Variants in RAB38 observed in about 807,000 individuals in gnomAD.
RAB38 encodes the protein ras-related protein Rab-38.
A neutral mutation model predicts 18.4 loss-of-function variants in RAB38; 15 were observed. The observed-to-expected ratio is 0.82, with a 90% CI of 0.55 to 1.26. The LOEUF is 1.26. RAB38 is among the 50% of genes most tolerant of loss of function. RAB38 has a pLI of 0.00. For synonymous variants in RAB38, 101 were observed against 104.4 expected (o/e 0.97, Z 0.20); for missense variants, 294 against 267.4 (o/e 1.10, Z -0.69).
At chr11:87,977,410 A>G in the RAB38 span, among the ~76,000 whole-genome samples, 4 of 65,748 alleles carry the variant, frequency 6.1e-5, no homozygotes, top group South Asian at 4.5e-4. Flanking sequence ...ATTATATTAT[A>G]AAATATAATT....
the RAB38 span, among the ~76,000 whole-genome samples, chr11:87,870,328 A>T: frequency 6.6e-6 from 1 of 151,634 alleles, no homozygotes; most frequent in African/African-American, 2.4e-5. Context: ...ATCCACTGTG[A>T]CTCATCGTGA....
chr11:88,066,080 C>T, the RAB38 span, among the ~76,000 whole-genome samples: 108 of 152,206 alleles, frequency 7.1e-4, no homozygotes, highest in Middle Eastern at 3.4e-3. Context: ...TCTTTGCTGA[C>T]GTATTTGACT....
the RAB38 span, among the ~76,000 whole-genome samples, chr11:87,976,296 A>C: frequency 6.9e-6 from 1 of 144,158 alleles, no homozygotes. Flanking sequence ...ATATACATAC[A>C]CACATATATA....
the RAB38 span, among the ~76,000 whole-genome samples, chr11:87,912,765 TC>T: frequency 0.049 from 6,621 of 136,198 alleles, 575 homozygotes; most frequent in African/African-American, 0.14. Flanking sequence ...TTTCTTTCTT[TC>T]TTTTTTTTTT....
chr11:88,015,381 C>A, the RAB38 span, among the ~76,000 whole-genome samples: 4 of 152,068 alleles, frequency 2.6e-5, no homozygotes, highest in Admixed American at 2.6e-4. Flanking sequence ...AGTCTCAGAT[C>A]CACTGACTAC....
At chr11:88,041,244 T>C in the RAB38 span, among the ~76,000 whole-genome samples, 1 of 152,338 alleles carries the variant, frequency 6.6e-6, no homozygotes, top group East Asian at 1.9e-4. Context: ...GTTCCTTAAA[T>C]ATCTGTCCTC....
chr11:88,083,935 G>A, the RAB38 span, among the ~76,000 whole-genome samples: 4 of 151,878 alleles, frequency 2.6e-5, no homozygotes, highest in Admixed American at 2.6e-4. Context: ...CATCACAAAT[G>A]AACTAAGACA....
chr11:88,171,661 A>T (rs2134859619), intron 1 of RAB38, among the ~76,000 whole-genome samples: 1 of 152,344 alleles, frequency 6.6e-6, no homozygotes, highest in Non-Finnish European at 1.5e-5. Context: ...ATTCATAAGA[A>T]TAAGGGCTTA....
At chr11:87,820,004 C>T in the RAB38 span, among the ~76,000 whole-genome samples, 1 of 152,018 alleles carries the variant, frequency 6.6e-6, no homozygotes, top group Non-Finnish European at 1.5e-5. Flanking sequence ...ATCAACCCTC[C>T]TGCTGAAATA....
chr11:87,844,373 G>C, the RAB38 span, among the ~76,000 whole-genome samples: 3 of 152,112 alleles, frequency 2.0e-5, no homozygotes, highest in Admixed American at 6.6e-5. Context: ...CTCAGTATAT[G>C]CCAGGCCTTA....
intron 1 of RAB38, among the ~76,000 whole-genome samples, chr11:88,170,658 T>C (rs931331920): frequency 3.3e-5 from 5 of 152,232 alleles, no homozygotes; most frequent in African/African-American, 1.2e-4. Context: ...TCTGCTGTCA[T>C]GTCACATGGC....
At chr11:88,096,318 G>T in the RAB38 span, among the ~76,000 whole-genome samples, 1 of 151,518 alleles carries the variant, frequency 6.6e-6, no homozygotes, top group African/African-American at 2.4e-5. Flanking sequence ...GTCTATAATT[G>T]TTTTTTTCTC....
At chr11:87,896,356 T>C in the RAB38 span, among the ~76,000 whole-genome samples, 1 of 151,660 alleles carries the variant, frequency 6.6e-6, no homozygotes. Flanking sequence ...TGGTACATTA[T>C]AGGGAGGTGA....
chr11:87,831,433 G>A, the RAB38 span, among the ~76,000 whole-genome samples: 1 of 152,200 alleles, frequency 6.6e-6, no homozygotes, highest in East Asian at 1.9e-4. Flanking sequence ...CAGTGCTGCA[G>A]GAATTCAGAT....
chr11:87,871,832 G>C, the RAB38 span, among the ~76,000 whole-genome samples: 2 of 151,364 alleles, frequency 1.3e-5, no homozygotes, highest in Non-Finnish European at 3.0e-5. Flanking sequence ...CATGACTTCT[G>C]CGTAGCAATG....
chr11:87,846,044 T>A, the RAB38 span, among the ~76,000 whole-genome samples: 1 of 152,052 alleles, frequency 6.6e-6, no homozygotes, highest in African/African-American at 2.4e-5. Flanking sequence ...CTAAGTAGAC[T>A]GTGAAAAGTT....
chr11:88,069,218 G>A, the RAB38 span, among the ~76,000 whole-genome samples: 54 of 152,306 alleles, frequency 3.5e-4, no homozygotes, highest in Admixed American at 2.7e-3. Flanking sequence ...AGGGGGTGCC[G>A]GGTCCCCCAG....
At chr11:87,841,351 C>T in the RAB38 span, among the ~76,000 whole-genome samples, 1 of 152,150 alleles carries the variant, frequency 6.6e-6, no homozygotes, top group East Asian at 1.9e-4. Context: ...TTGCTTGACA[C>T]TTCATCTTCC....
the RAB38 span, among the ~76,000 whole-genome samples, chr11:87,941,114 G>T: frequency 1.3e-5 from 2 of 148,372 alleles, no homozygotes; most frequent in African/African-American, 5.0e-5. Flanking sequence ...AGATGTGAAG[G>T]TATATTAGAC....
Sources: gnomAD v4.1 joint callset for allele counts (sites outside exome capture counted in the v4.1 genomes callset) on GRCh38, gnomAD v4.1.1 for gene constraint, MANE v1.5 for transcripts, NCBI Gene and HGNC (gene_info 2026-07-23, HGNC 2026-07-21) for gene names.